The following MAP2 variants were observed in gnomAD, a reference collection of about 807,000 sequenced individuals.
MAP2 encodes microtubule-associated protein 2.
Under a neutral mutation model 137.6 loss-of-function variants are expected in MAP2, and 14 were observed. The ratio of observed to expected loss-of-function variants is 0.10; its 90% CI spans 0.07 to 0.16. The LOEUF (loss-of-function observed/expected upper bound fraction) is 0.16, where lower values mean the gene tolerates loss of function less well. Ranked by LOEUF, MAP2 falls within the 10% of genes least tolerant of loss-of-function variation. The pLI is 1.00. For synonymous variants in MAP2, 786 were observed against 782.3 expected (o/e 1.00, Z -0.08); for missense variants, 2,088 against 2,191.5 (o/e 0.95, Z 0.94).
At chr2:209,727,919 A>G (rs1040494816) in intron 14 of MAP2, among the ~76,000 whole-genome samples, 2 of 152,094 alleles carry the variant, frequency 1.3e-5, no homozygotes, top group Non-Finnish European at 2.9e-5. Flanking sequence ...ATACATTATT[A>G]TTTTTCCCTC....
intron 2 of MAP2, among the ~76,000 whole-genome samples, chr2:209,523,349 C>G (rs1559273918): frequency 6.6e-6 from 1 of 152,166 alleles, no homozygotes; most frequent in Non-Finnish European, 1.5e-5. Flanking sequence ...TAGTGCGTTG[C>G]TTGATATAAT....
At chr2:209,473,760 A>C (rs546933190) in intron 1 of MAP2, among the ~76,000 whole-genome samples, 1 of 152,270 alleles carries the variant, frequency 6.6e-6, no homozygotes, top group East Asian at 1.9e-4. Context: ...GATATGAAGT[A>C]ACTAATGAAA....
chr2:209,565,077 C>G lies in MAP2; in HGVS notation c.-171-14959C>G, dbSNP rs189893445. Among the ~76,000 whole-genome samples the G allele has an allele frequency of 1.4e-4, 21 of 152,306 alleles. No individual in the cohort carries two copies. The East Asian group carries it at 3.9e-3, about 28-fold the overall frequency. ...TCAGATTCACCGCTTGGCTGCTTCACTTTCATTAGGCTTCAAGATTACTCA... is the reference window on the plus strand; with the variant it reads ...TCAGATTCACCGCTTGGCTGCTTCAGTTTCATTAGGCTTCAAGATTACTCA... On this transcript the variant is annotated intron_variant, in intron 2 of 15. Transcript: ENST00000682079.
In MAP2 at chr2:209,463,904, G is replaced by A. The variant is rs144233653; in HGVS notation, c.-222+39628G>A. The stretch of plus-strand genomic sequence containing the variant: ...AAAGAAAATTGTTGGTGTAGGGATT[G>A]CCTTTTAAACTAGCTCTCAGTCGCT... On this transcript the variant is annotated intron_variant, in intron 1 of 15. Transcript: ENST00000682079. Among the ~76,000 whole-genome samples the A allele has an allele frequency of 3.7e-3, 561 of 152,236 alleles. 6 individuals carry two copies. The highest frequency in any genetic ancestry group is 0.02 in the Middle Eastern group (6 of 294).
At chr2:209,453,216 G>A (rs775612279) in intron 1 of MAP2, among the ~76,000 whole-genome samples, 2 of 151,898 alleles carry the variant, frequency 1.3e-5, no homozygotes, top group Non-Finnish European at 2.9e-5. Context: ...TTGTTCCTTC[G>A]ATGAGCTATC....
At chr2:209,553,674 T>A (rs1431457377) in intron 2 of MAP2, among the ~76,000 whole-genome samples, 2 of 152,212 alleles carry the variant, frequency 1.3e-5, no homozygotes, top group Non-Finnish European at 2.9e-5. Flanking sequence ...AAACTATTTT[T>A]ATGCCTCTAT....
intron 3 of MAP2, among the ~76,000 whole-genome samples, chr2:209,582,089 A>G (rs1440288512): frequency 8.5e-5 from 13 of 152,066 alleles, no homozygotes; most frequent in Admixed American, 7.2e-4. Context: ...TTTTTAACAC[A>G]TAGTATAGTG....
intron 1 of MAP2, among the ~76,000 whole-genome samples, chr2:209,457,458 A>G (rs1287536327): frequency 6.6e-6 from 1 of 152,204 alleles, no homozygotes; most frequent in East Asian, 1.9e-4. Context: ...CAGTACAAAA[A>G]TGGAGGCCTA....
intron 1 of MAP2, among the ~76,000 whole-genome samples, chr2:209,456,371 G>A (rs1701538791): frequency 6.6e-6 from 1 of 152,146 alleles, no homozygotes; most frequent in Non-Finnish European, 1.5e-5. Context: ...AGTGAATGAA[G>A]GAGCCAGTTT....
chr2:209,598,205 C>G (rs1347836924), intron 3 of MAP2, among the ~76,000 whole-genome samples: 1 of 151,778 alleles, frequency 6.6e-6, no homozygotes, highest in Non-Finnish European at 1.5e-5. Flanking sequence ...GGGGGTTTCA[C>G]CATATTGGCC....
chr2:209,464,761 A>G (rs1053771969), intron 1 of MAP2, among the ~76,000 whole-genome samples: 5 of 152,136 alleles, frequency 3.3e-5, no homozygotes, highest in African/African-American at 9.7e-5. Flanking sequence ...GTCATTAAAG[A>G]CAACTAATAT....
chr2:209,572,615 A>G (rs2074580880), intron 2 of MAP2, among the ~76,000 whole-genome samples: 1 of 152,128 alleles, frequency 6.6e-6, no homozygotes, highest in Non-Finnish European at 1.5e-5. Flanking sequence ...AATCTAGTCC[A>G]TTTTTTAATC....
intron 2 of MAP2, among the ~76,000 whole-genome samples, chr2:209,521,570 A>T (rs35832475): frequency 0.23 from 34,191 of 151,548 alleles, 5,928 homozygotes; most frequent in African/African-American, 0.49. Flanking sequence ...AAAAAAAAAA[A>T]ATTTTTTAGG....
chr2:209,685,836 G>A (rs1401919080), intron 7 of MAP2, among the ~76,000 whole-genome samples: 1 of 152,086 alleles, frequency 6.6e-6, no homozygotes, highest in African/African-American at 2.4e-5. Context: ...AGAAAGAGGT[G>A]GCCAGAATCT....
chr2:209,506,972 C>G (rs1559251379), intron 1 of MAP2, among the ~76,000 whole-genome samples: 3 of 152,148 alleles, frequency 2.0e-5, no homozygotes, highest in Admixed American at 2.0e-4. Context: ...TTGCTGAGGT[C>G]CTGCTTCCTG....
intron 1 of MAP2, among the ~76,000 whole-genome samples, chr2:209,426,423 T>C (rs974276317): frequency 2.0e-5 from 3 of 152,222 alleles, no homozygotes; most frequent in African/African-American, 7.2e-5. Context: ...TAGTCTTCTA[T>C]ACTGCCATAG....
intron 2 of MAP2, among the ~76,000 whole-genome samples, chr2:209,545,609 A>G (rs7593381): frequency 0.19 from 28,489 of 152,074 alleles, 4,275 homozygotes; most frequent in African/African-American, 0.42. Flanking sequence ...GCAAGAGTAA[A>G]AGATGATAAC....
chr2:209,425,846 G>A (rs558233039), intron 1 of MAP2, among the ~76,000 whole-genome samples: 1 of 152,116 alleles, frequency 6.6e-6, no homozygotes, highest in Non-Finnish European at 1.5e-5. Flanking sequence ...TTATGCCCAG[G>A]GAAAAGATTA....
chr2:209,432,367 A>C (rs534609288), intron 1 of MAP2, among the ~76,000 whole-genome samples: 1 of 152,044 alleles, frequency 6.6e-6, no homozygotes, highest in South Asian at 2.1e-4. Flanking sequence ...CCAAGACTGC[A>C]TATTAAATAA....
Sources: gnomAD v4.1 joint callset for allele counts (sites outside exome capture counted in the v4.1 genomes callset) on GRCh38, gnomAD v4.1.1 for gene constraint, MANE v1.5 for transcripts, NCBI Gene and HGNC (gene_info 2026-07-23, HGNC 2026-07-21) for gene names.